Variants in SFTPB observed in about 807,000 individuals in gnomAD.
SFTPB encodes the protein pulmonary surfactant-associated protein B.
Under a neutral mutation model 51.0 loss-of-function variants are expected in SFTPB, and 32 were observed. That is an observed-to-expected ratio of 0.63 (90% CI 0.47 to 0.84). SFTPB has a LOEUF of 0.84. Among genes scored for constraint, SFTPB ranks in the 40% least tolerant of loss-of-function variants. SFTPB has a pLI of 0.00. For synonymous variants in SFTPB, 211 were observed against 208.5 expected, an observed-to-expected ratio of 1.01 and a Z score of -0.10; for missense variants, 431 against 491.2, an observed-to-expected ratio of 0.88 and a Z score of 1.16.
intron 10 of SFTPB, 93 bp downstream of exon 10, chr2:85,661,361 G>A (rs1372369502): frequency 3.3e-5 from 29 of 873,870 alleles, no homozygotes; most frequent in Middle Eastern, 2.6e-4. Context: ...AGGAGTGGCC[G>A]CCTCTTCCTG....
rs35982709 is a variant in SFTPB at position 85,662,009 on chromosome 2, A to G, written c.1083+20T>C. 408 of 1,585,908 alleles carry G rather than the reference A, an allele frequency of 2.6e-4. 2 individuals are homozygous for G. The African/African-American group carries it at 5.0e-3, about 19-fold the overall frequency. On this transcript the variant is annotated intron_variant, in intron 9 of 10. Transcript: ENST00000519937. The stretch of plus-strand genomic sequence containing the variant: ...GGAGCCAAGGGAAGTCCTAGGACCA[A>G]CTGGGAGGGGTGGGTGTACCTGGCA...
rs1677669246 is a variant in SFTPB, at chr2:85,666,758, G to A, written c.268-16C>T. 2.5e-6 allele frequency: 4 copies of A among 1,613,594 alleles called. No individual in the cohort carries two copies. The highest frequency in any genetic ancestry group is 2.5e-6 in the Non-Finnish European group (3 of 1,179,814). ...TCATCGTGTCCTGGGAGGCCAGAGG[G>A]GGCCGTCAGCTGGGCCTCTCTGAGG... On this transcript the variant is annotated splice_polypyrimidine_tract_variant and intron_variant, in intron 3 of 10. Coordinates refer to ENST00000519937, the MANE Select transcript of SFTPB (RefSeq NM_000542.5).
chr2:85,668,226 T>G, upstream of SFTPB: 1 of 1,542,258 alleles, frequency 6.5e-7, no homozygotes, highest in South Asian at 1.2e-5. Flanking sequence ...GCATGGCCCC[T>G]TATAGCTGGG....
chr2:85,667,010 A>G, intron 3 of SFTPB, 96 bp downstream of exon 3: 1 of 1,182,202 alleles, frequency 8.5e-7, no homozygotes, highest in Non-Finnish European at 1.3e-6. Context: ...CCTCCTCCTC[A>G]GCCTGGAAAT....
rs1473693854 is a variant in SFTPB, at chr2:85,665,635, G to A, written c.553C>T (p.Leu185Phe). The A allele has an allele frequency of 6.2e-7, 1 of 1,614,056 alleles. No homozygotes were observed. The highest frequency in any genetic ancestry group is 2.2e-5 in the East Asian group (1 of 44,866). ...KLVLPVLPGALQARPGPHTQD... is the reference protein window; with the variant it reads ...KLVLPVLPGAFQARPGPHTQD... ...GTGTGAGGCCCAGGCCTCGCCTGGA[G>A]GGCCCCGGGCAGCACAGGGAGGACG... Residue 185 changes from leucine (L) to phenylalanine (F), a missense_variant, in exon 5 of 11, where the codon CTC becomes TTC. By Grantham distance (22) the Leu-to-Phe change is conservative. Coordinates refer to ENST00000519937, the MANE Select transcript of SFTPB (RefSeq NM_000542.5).
chr2:85,663,907 T>G, intron 6 of SFTPB, 60 bp from the exon 7 acceptor site: 2 of 1,490,306 alleles, frequency 1.3e-6, no homozygotes, highest in Non-Finnish European at 1.8e-6. Flanking sequence ...CTCCACTCTC[T>G]GCCCAGCACC....
At chr2:85,661,992 G>A (rs750807495) in intron 9 of SFTPB, 37 bp downstream of exon 9, 2 of 1,566,834 alleles carry the variant, frequency 1.3e-6, no homozygotes, top group Non-Finnish European at 8.7e-7. Flanking sequence ...TGGGAGCCAA[G>A]GGAAGTCCTA....
chr2:85,665,894 G>A (rs1296832523), intron 4 of SFTPB, 100 bp from the exon 5 acceptor site: 4 of 1,154,724 alleles, frequency 3.5e-6, no homozygotes, highest in Non-Finnish European at 2.5e-6. Flanking sequence ...ATGGGAGGAA[G>A]CAGGCCTAGT....
intron 9 of SFTPB, 108 bp from the exon 10 acceptor site, chr2:85,661,643 T>A (rs1677305904): frequency 1.1e-6 from 1 of 919,220 alleles, no homozygotes; most frequent in East Asian, 2.6e-5. Flanking sequence ...TAGTGGGTGC[T>A]ACCAGTGTGA....
At chr2:85,661,330 A>C (rs1677277974) in intron 10 of SFTPB, 124 bp downstream of exon 10, 4 of 681,986 alleles carry the variant, frequency 5.9e-6, no homozygotes, top group Non-Finnish European at 1.0e-5. Context: ...GTGCGGTGAG[A>C]GGGAGGATGG....
At position 85,665,623 on chromosome 2, in the gene SFTPB, G is replaced by A; in HGVS notation, c.565C>T (p.Pro189Ser). 6.2e-7 allele frequency: 1 copy of A among 1,613,858 alleles called. No individual in the cohort carries two copies. The highest frequency in any genetic ancestry group is 8.5e-7 in the Non-Finnish European group (1 of 1,180,024). The change falls in exon 5 of 11, where the codon CCT becomes TCT. Residue 189 changes from proline to serine, a missense_variant. Physicochemically the swap from Pro to Ser is moderately conservative, Grantham distance 74. Transcript: ENST00000519937. ...PVLPGALQAR[P>S]GPHTQDLSEQ... ...TCCCTCACCTGTGTGTGAGGCCCAG[G>A]CCTCGCCTGGAGGGCCCCGGGCAGC...
chr2:85,659,664 C>T lies in SFTPB; in HGVS notation c.*38G>A, dbSNP rs1677192622. On this transcript the variant is annotated 3_prime_UTR_variant, in exon 11 of 11. Coordinates refer to ENST00000519937, the MANE Select transcript of SFTPB (RefSeq NM_000542.5). The stretch of plus-strand genomic sequence containing the variant: ...CACCATGGTCCCAGAGCCCGTCTCA[C>T]TTGGCTTTTCCTTTGCAGCTGAGGA... The T allele has an allele frequency of 6.6e-6, 1 of 152,580 alleles. No homozygotes were observed. The highest frequency in any genetic ancestry group is 2.4e-5 in the African/African-American group (1 of 41,470). The allele number at this position is 152,580 out of a possible 1,614,324, so 9.5% of individuals were successfully genotyped here.
In SFTPB at chr2:85,665,607, T is replaced by C; in HGVS notation, c.581A>G (p.Gln194Arg). The change falls in exon 5 of 11, where the codon CAG (glutamine) becomes CGG (arginine). Residue 194 changes from glutamine (Q) to arginine (R), a missense_variant and splice_region_variant. Coordinates refer to ENST00000519937, the MANE Select transcript of SFTPB (RefSeq NM_000542.5). ...ACTGGCTGTGGGGGCCTCCCTCACC[T>C]GTGTGTGAGGCCCAGGCCTCGCCTG... ...ALQARPGPHTQDLSEQQFPIP... is the reference protein window; with the variant it reads ...ALQARPGPHTRDLSEQQFPIP... 6.2e-7 allele frequency: 1 copy of C among 1,613,236 alleles called. No individual in the cohort carries two copies. Among genetic ancestry groups the C allele is most frequent in the Non-Finnish European group, 8.5e-7 (1 of 1,179,726 alleles).
rs926414138 is a variant in SFTPB at position 85,658,689 on chromosome 2, A to C, written c.*1013T>G. 6.6e-6 allele frequency: 1 copy of C among 151,640 alleles called. No individual in the cohort carries two copies. The highest frequency in any genetic ancestry group is 2.4e-5 in the African/African-American group (1 of 41,228). 9.4% of individuals were successfully genotyped at this position (151,640 alleles called of 1,614,324 possible). A position where few individuals can be genotyped will look rare whatever the true frequency, so the allele number is the denominator to read the frequency against. ...AGGCATATGCCACCACACTTGGCTA[A>C]TTTTTTGTATTTTTAGTAGAAATGG... On this transcript the variant is annotated 3_prime_UTR_variant, in exon 11 of 11. Transcript: ENST00000519937.
intron 6 of SFTPB, 48 bp downstream of exon 6, chr2:85,665,241 A>G (rs775264563): frequency 7.5e-7 from 1 of 1,327,094 alleles, no homozygotes; most frequent in Admixed American, 1.7e-5. Flanking sequence ...GCAGGGAGCT[A>G]CAGGTATGCG....
At position 85,665,361 on chromosome 2, in the gene SFTPB, T is replaced by C. The variant is rs1413688102; in HGVS notation, c.600A>G (p.Gln200=). The change falls in exon 6 of 11, where the codon CAA becomes CAG. Residue 200 remains glutamine (Q), a synonymous_variant. Coordinates refer to ENST00000519937, the MANE Select transcript of SFTPB (RefSeq NM_000542.5). ...GPHTQDLSEQ[Q]FPIPLPYCWL... ...AGCAATAGGGGAGAGGAATGGGGAATTGCTGCTCGGAGAGATCCTGGGGAA... is the reference window on the plus strand; with the variant it reads ...AGCAATAGGGGAGAGGAATGGGGAACTGCTGCTCGGAGAGATCCTGGGGAA... 3 of 1,613,908 alleles carry C rather than the reference T, an allele frequency of 1.9e-6. No homozygotes were observed. The highest frequency in any genetic ancestry group is 2.2e-5 in the East Asian group (1 of 44,866).
At chr2:85,663,107 C>G (rs1677392382) in intron 8 of SFTPB, among the ~76,000 whole-genome samples, 1 of 152,158 alleles carries the variant, frequency 6.6e-6, no homozygotes, top group African/African-American at 2.4e-5. Context: ...TCACTCAGCC[C>G]GTGAAGAGGG....
chr2:85,660,115 C>T (rs981868699), intron 10 of SFTPB, among the ~76,000 whole-genome samples: 1 of 150,544 alleles, frequency 6.6e-6, no homozygotes, highest in South Asian at 2.1e-4. Context: ...GCCACAGGCA[C>T]CCACTACTTT....
At chr2:85,666,838 A>C (rs557674178) in intron 3 of SFTPB, 96 bp from the exon 4 acceptor site, 7 of 1,531,092 alleles carry the variant, frequency 4.6e-6, no homozygotes, top group Non-Finnish European at 5.4e-6. Context: ...ACTGACCCCT[A>C]ATCCCCCAGG....
Sources: gnomAD v4.1 joint callset for allele counts (sites outside exome capture counted in the v4.1 genomes callset) on GRCh38, gnomAD v4.1.1 for gene constraint, MANE v1.5 for transcripts, NCBI Gene and HGNC (gene_info 2026-07-23, HGNC 2026-07-21) for gene names.